The following ZNF143 variants were observed in gnomAD, a reference collection of about 807,000 sequenced individuals.
ZNF143 encodes zinc finger protein 143.
A neutral mutation model predicts 74.1 loss-of-function variants in ZNF143; 49 were observed. The observed-to-expected ratio is 0.66, with a 90% confidence interval of 0.53 to 0.84. The LOEUF (loss-of-function observed/expected upper bound fraction) is 0.84. Among genes scored for constraint, ZNF143 ranks in the 40% least tolerant of loss-of-function variants. The pLI is 0.00. For missense variants in ZNF143, 637 were observed against 793.4 expected, an observed-to-expected ratio of 0.80 and a Z score of 2.37; for synonymous variants, 304 against 282.8, an observed-to-expected ratio of 1.07 and a Z score of -0.75.
chr11:9,464,086 T>TTG (rs144501900), intron 1 of ZNF143, among the ~76,000 whole-genome samples: 10,207 of 124,004 alleles, frequency 0.082, 419 homozygotes, highest in Non-Finnish European at 0.11. Context: ...GTGTGTGTGT[T>TTG]TGTGTGTGTG....
chr11:9,470,895 G>A (rs1392501524), intron 1 of ZNF143, among the ~76,000 whole-genome samples: 3 of 152,068 alleles, frequency 2.0e-5, no homozygotes, highest in Non-Finnish European at 2.9e-5. Context: ...GGGAAGTACT[G>A]GTGAAGGTTG....
chr11:9,492,768 G>A (rs1415808679), intron 7 of ZNF143, among the ~76,000 whole-genome samples: 1 of 152,100 alleles, frequency 6.6e-6, no homozygotes, highest in Non-Finnish European at 1.5e-5. Context: ...AGTTATGAAG[G>A]CATATAAGAC....
chr11:9,497,344 C>T (rs1471533216), intron 9 of ZNF143, among the ~76,000 whole-genome samples: 6 of 152,154 alleles, frequency 3.9e-5, no homozygotes, highest in Admixed American at 3.3e-4. Context: ...ATTCTCCTGT[C>T]TCAGCCTCCT....
intron 1 of ZNF143, among the ~76,000 whole-genome samples, chr11:9,468,896 G>A (rs537327428): frequency 4.6e-5 from 7 of 152,208 alleles, no homozygotes; most frequent in African/African-American, 1.7e-4. Flanking sequence ...TACTTTGGGA[G>A]GCTGAGGCAT....
At chr11:9,463,694 G>A (rs1856009312) in intron 1 of ZNF143, 1 of 152,160 alleles carries the variant, frequency 6.6e-6, no homozygotes, top group Non-Finnish European at 1.5e-5. Context: ...CAGATACATG[G>A]TTTGCAAAAT....
chr11:9,520,804 A>G (rs1320704093), intron 14 of ZNF143, among the ~76,000 whole-genome samples: 1 of 152,182 alleles, frequency 6.6e-6, no homozygotes. Context: ...TAAAAAATAA[A>G]AAAGAATTCT....
chr11:9,479,034 G>C (rs983435062), intron 6 of ZNF143, among the ~76,000 whole-genome samples: 1 of 152,052 alleles, frequency 6.6e-6, no homozygotes, highest in Non-Finnish European at 1.5e-5. Flanking sequence ...AGGAACTATA[G>C]ATTAGGAAAA....
chr11:9,521,379 GAAA>G (rs1165997982), intron 14 of ZNF143, among the ~76,000 whole-genome samples: 1 of 152,112 alleles, frequency 6.6e-6, no homozygotes, highest in Non-Finnish European at 1.5e-5. Flanking sequence ...GAAATTATAA[GAAA>G]AAGTTTCATC....
chr11:9,496,587 T>G (rs763891747), intron 9 of ZNF143, among the ~76,000 whole-genome samples: 32 of 141,174 alleles, frequency 2.3e-4, no homozygotes, highest in South Asian at 6.3e-4. Context: ...CTGCTGTGTT[T>G]TCTTTTTCTT....
intron 2 of ZNF143, among the ~76,000 whole-genome samples, chr11:9,472,167 C>T (rs534959009): frequency 2.0e-5 from 3 of 149,770 alleles, no homozygotes; most frequent in African/African-American, 4.9e-5. Flanking sequence ...GGGCTCAAGC[C>T]ATCCACCCAC....
chr11:9,491,929 C>G (rs1847796611), intron 7 of ZNF143, among the ~76,000 whole-genome samples: 1 of 152,010 alleles, frequency 6.6e-6, no homozygotes, highest in South Asian at 2.1e-4. Flanking sequence ...TGTGCCCAGC[C>G]TACATACTAT....
chr11:9,492,226 G>A lies in ZNF143; in HGVS notation c.646-2420G>A, dbSNP rs564972248. 1.1e-3 allele frequency among the ~76,000 whole-genome samples: 169 copies of A among 149,698 alleles called. 1 individual carries two copies. Among genetic ancestry groups the A allele is most frequent in the Middle Eastern group, 3.5e-3 (1 of 286 alleles). On this transcript the variant is annotated intron_variant, in intron 7 of 15. Transcript: ENST00000396602. Reference sequence around the variant, plus strand: ...CCCGGGTTCAAGCAATTCTCCTGCCGCAGCCTCCCTAGTAGCTGGAATCAC... The same window carrying A: ...CCCGGGTTCAAGCAATTCTCCTGCCACAGCCTCCCTAGTAGCTGGAATCAC...
At chr11:9,489,690 G>T in intron 7 of ZNF143, among the ~76,000 whole-genome samples, 1 of 152,180 alleles carries the variant, frequency 6.6e-6, no homozygotes, top group East Asian at 1.9e-4. Flanking sequence ...GGTGTGAGCA[G>T]CTGGGCTTAG....
chr11:9,492,168 T>C (rs1847807315), intron 7 of ZNF143, among the ~76,000 whole-genome samples: 1 of 145,870 alleles, frequency 6.9e-6, no homozygotes. Flanking sequence ...TGGAGTGCAG[T>C]GGCGTGATCT....
intron 1 of ZNF143, among the ~76,000 whole-genome samples, chr11:9,465,067 T>C: frequency 6.6e-6 from 1 of 152,348 alleles, no homozygotes; most frequent in South Asian, 2.1e-4. Context: ...ATGTTATGTA[T>C]ATGATAATTA....
intron 14 of ZNF143, among the ~76,000 whole-genome samples, chr11:9,522,219 A>G (rs1021218744): frequency 2.6e-5 from 4 of 151,508 alleles, no homozygotes; most frequent in African/African-American, 7.3e-5. Flanking sequence ...GGAAGGAAAT[A>G]AGGACTGGGC....
intron 14 of ZNF143, among the ~76,000 whole-genome samples, chr11:9,523,417 G>A (rs1305036227): frequency 1.3e-5 from 2 of 152,140 alleles, no homozygotes; most frequent in Non-Finnish European, 2.9e-5. Context: ...GTTGGAAACC[G>A]GAAATATTTG....
At position 9,478,447 on chromosome 11, in the gene ZNF143, A is replaced by T. The variant is rs150318995; in HGVS notation, c.431A>T (p.Tyr144Phe). Residue 144 changes from tyrosine (Y) to phenylalanine (F), a missense_variant, in exon 6 of 16, where the codon TAT becomes TTT. Physicochemically the swap from Tyr to Phe is conservative, Grantham distance 22. Coordinates refer to ENST00000396602, the MANE Select transcript of ZNF143 (RefSeq NM_003442.6). Reference sequence around the variant, plus strand: ...CAGCTGGAAGATGGTACCACAGCTTATATCCACCATGCAGTGCAAGTCCCG... The same window carrying T: ...CAGCTGGAAGATGGTACCACAGCTTTTATCCACCATGCAGTGCAAGTCCCG... ...AVQLEDGTTA[Y>F]IHHAVQVPQS... 11 of 1,614,070 alleles carry T rather than the reference A, an allele frequency of 6.8e-6. No individual in the cohort carries two copies. In the African/African-American group the frequency reaches 1.3e-4, roughly 20 times the overall value.
chr11:9,496,742 G>A (rs1360654689), intron 9 of ZNF143, among the ~76,000 whole-genome samples: 4 of 151,694 alleles, frequency 2.6e-5, no homozygotes, highest in Non-Finnish European at 5.9e-5. Flanking sequence ...GATTACAGGC[G>A]CTCGTCATCA....
Sources: allele counts gnomAD v4.1 joint callset (sites outside exome capture counted in the v4.1 genomes callset), GRCh38; gene constraint gnomAD v4.1.1; transcripts MANE v1.5; gene names NCBI Gene and HGNC (gene_info 2026-07-23, HGNC 2026-07-21).